TUT4: variants seen among roughly 807,000 people sequenced by gnomAD.
The protein encoded by TUT4 is terminal uridylyl transferase 4.
A neutral mutation model predicts 192.2 loss-of-function variants in TUT4; 36 were observed. The ratio of observed to expected loss-of-function variants is 0.19; its 90% CI spans 0.14 to 0.25. The LOEUF (loss-of-function observed/expected upper bound fraction) is 0.25, where lower values mean the gene tolerates loss of function less well. Among genes scored for constraint, TUT4 ranks in the 10% least tolerant of loss-of-function variants. TUT4 has a pLI of 1.00. For synonymous variants in TUT4, 618 were observed against 666.0 expected, an observed-to-expected ratio of 0.93 and a Z score of 1.11; for missense variants, 1,493 against 1,957.2, an observed-to-expected ratio of 0.76 and a Z score of 4.47.
At chr1:52,447,485 A>C (rs777430900) in intron 20 of TUT4, among the ~76,000 whole-genome samples, 4 of 151,996 alleles carry the variant, frequency 2.6e-5, no homozygotes, top group Admixed American at 6.6e-5. Context: ...AACAAAAAAA[A>C]AAAAGGAAAA....
At chr1:52,427,893 A>T (rs1650505542) in intron 28 of TUT4, among the ~76,000 whole-genome samples, 1 of 152,248 alleles carries the variant, frequency 6.6e-6, no homozygotes, top group South Asian at 2.1e-4. Context: ...GGAAACTGGA[A>T]ATACACGGAC....
chr1:52,549,711 A>G (rs1336232650), intron 1 of TUT4, among the ~76,000 whole-genome samples: 1 of 152,180 alleles, frequency 6.6e-6, no homozygotes, highest in Non-Finnish European at 1.5e-5. Flanking sequence ...ATCTAATTCT[A>G]TGATCTTCAG....
At chr1:52,516,415 CAAA>C (rs1303304862) in intron 2 of TUT4, among the ~76,000 whole-genome samples, 2 of 152,198 alleles carry the variant, frequency 1.3e-5, no homozygotes, top group Non-Finnish European at 2.9e-5. Context: ...GAGTCCCACT[CAAA>C]GAAGATTAGT....
At chr1:52,549,842 A>C (rs900748891) in intron 1 of TUT4, among the ~76,000 whole-genome samples, 4 of 152,208 alleles carry the variant, frequency 2.6e-5, no homozygotes, top group South Asian at 4.1e-4. Flanking sequence ...CCTGGAACAA[A>C]ACAGGCACTC....
chr1:52,533,513 C>T (rs1571376933), intron 1 of TUT4, among the ~76,000 whole-genome samples: 3 of 152,230 alleles, frequency 2.0e-5, no homozygotes, highest in East Asian at 3.9e-4. Context: ...GCTTTCTGGT[C>T]GTTACTATAC....
chr1:52,499,067 A>C (rs371437203), intron 4 of TUT4, among the ~76,000 whole-genome samples: 1 of 150,834 alleles, frequency 6.6e-6, no homozygotes, highest in Non-Finnish European at 1.5e-5. Flanking sequence ...GAGGATTCAC[A>C]CTTACTGGCT....
chr1:52,446,512 A>C lies in TUT4; in HGVS notation c.3514-70T>G, dbSNP rs956746591. 1.9e-6 allele frequency: 3 copies of C among 1,547,086 alleles called. No homozygotes were observed. The African/African-American group carries it at 4.2e-5, about 22-fold the overall frequency. ...TATCCAAAACATGGACAGCAAATTTAAGTAAAATTATTAAATTATACAGAT... is the reference window on the plus strand; with the variant it reads ...TATCCAAAACATGGACAGCAAATTTCAGTAAAATTATTAAATTATACAGAT... On this transcript the variant is annotated intron_variant, in intron 21 of 29. Transcript: ENST00000257177.
At chr1:52,452,069 C>T (rs531880256) in intron 20 of TUT4, among the ~76,000 whole-genome samples, 47 of 151,342 alleles carry the variant, frequency 3.1e-4, no homozygotes, top group Non-Finnish European at 5.9e-4. Context: ...CCTCATCTTT[C>T]GAAGACAGAA....
Position 52,525,602 on chromosome 1 carries a change from C to A in TUT4, c.679G>T (p.Asp227Tyr). ...TCTDNTGDSD[D>Y]SASGIEDVSD... ...ACGTCTTCAATTCCTGAAGCACTATCATCAGAATCACCAGTATTATCTGTA... is the reference window on the plus strand; with the variant it reads ...ACGTCTTCAATTCCTGAAGCACTATAATCAGAATCACCAGTATTATCTGTA... The change falls in exon 2 of 30, where the codon GAT becomes TAT. Residue 227 changes from aspartate (D) to tyrosine (Y), a missense_variant. Physicochemically the swap from Asp to Tyr is radical, Grantham distance 160. Transcript: ENST00000257177. 6.2e-7 allele frequency: 1 copy of A among 1,612,476 alleles called. No individual in the cohort carries two copies. Among genetic ancestry groups the A allele is most frequent in the Non-Finnish European group, 8.5e-7 (1 of 1,179,482 alleles).
chr1:52,547,015 G>A (rs1688249606), intron 1 of TUT4, among the ~76,000 whole-genome samples: 1 of 151,466 alleles, frequency 6.6e-6, no homozygotes, highest in Admixed American at 6.6e-5. Context: ...ATGGTGGCAT[G>A]CACCTGTAGT....
At chr1:52,440,540 C>A (rs1247152060) in intron 24 of TUT4, among the ~76,000 whole-genome samples, 2 of 148,866 alleles carry the variant, frequency 1.3e-5, no homozygotes, top group East Asian at 4.0e-4. Flanking sequence ...GCCAGGACAA[C>A]ATAAAGGTCT....
intron 9 of TUT4, among the ~76,000 whole-genome samples, chr1:52,484,004 T>C (rs1486462555): frequency 6.6e-6 from 1 of 151,714 alleles, no homozygotes; most frequent in Admixed American, 6.6e-5. Context: ...TTGAAAAATT[T>C]GTTAAACGCC....
intron 4 of TUT4, among the ~76,000 whole-genome samples, chr1:52,498,841 C>T (rs1239182815): frequency 1.5e-5 from 2 of 137,408 alleles, no homozygotes; most frequent in Non-Finnish European, 3.1e-5. Context: ...GAGTCAAGAT[C>T]GCACCACTGC....
intron 1 of TUT4, among the ~76,000 whole-genome samples, chr1:52,531,817 G>C (rs1218292796): frequency 6.8e-6 from 1 of 147,976 alleles, no homozygotes; most frequent in Non-Finnish European, 1.5e-5. Context: ...TTTTCTCACA[G>C]CACTTAGCAC....
chr1:52,519,962 T>C (rs1571226252), intron 2 of TUT4, among the ~76,000 whole-genome samples: 1 of 152,034 alleles, frequency 6.6e-6, no homozygotes, highest in Non-Finnish European at 1.5e-5. Context: ...GTGGTTGAAG[T>C]GAGCTGAGAT....
At chr1:52,491,272 G>GAAT (rs1168897555) in intron 7 of TUT4, among the ~76,000 whole-genome samples, 1 of 152,180 alleles carries the variant, frequency 6.6e-6, no homozygotes, top group East Asian at 1.9e-4. Flanking sequence ...GTTAGTATAT[G>GAAT]AAGAGTTTGC....
chr1:52,462,676 C>A (rs1662954416), intron 16 of TUT4: 8 of 971,570 alleles, frequency 8.2e-6, no homozygotes, highest in Non-Finnish European at 9.8e-6. Flanking sequence ...GCCTTTAAAT[C>A]TGTGAGTTAT....
chr1:52,542,121 T>C (rs1686858452), intron 1 of TUT4, among the ~76,000 whole-genome samples: 1 of 152,204 alleles, frequency 6.6e-6, no homozygotes, highest in African/African-American at 2.4e-5. Context: ...AGTCTACTGA[T>C]ACGCAGTACC....
At chr1:52,536,137 C>G (rs1213905859) in intron 1 of TUT4, among the ~76,000 whole-genome samples, 1 of 152,006 alleles carries the variant, frequency 6.6e-6, no homozygotes, top group Non-Finnish European at 1.5e-5. Context: ...TGGGTTTTTC[C>G]CTTTTACATG....
Sources: gnomAD v4.1 joint callset for allele counts (sites outside exome capture counted in the v4.1 genomes callset) on GRCh38, gnomAD v4.1.1 for gene constraint, MANE v1.5 for transcripts, NCBI Gene and HGNC (gene_info 2026-07-23, HGNC 2026-07-21) for gene names.